Variants in APLP2 observed in about 807,000 individuals in gnomAD.
The protein encoded by APLP2 is CDEI box-binding protein.
Under a neutral mutation model 89.9 loss-of-function variants are expected in APLP2, and 53 were observed. The ratio of observed to expected loss-of-function variants is 0.59; its 90% CI spans 0.47 to 0.74. APLP2 has a LOEUF of 0.74. Ranked by LOEUF, APLP2 falls within the 30% of genes least tolerant of loss-of-function variation. The probability of loss-of-function intolerance (pLI) is 0.00; values close to 1 mark genes in which losing one functional copy is unlikely to be tolerated. For synonymous variants in APLP2, 372 were observed against 348.6 expected, an observed-to-expected ratio of 1.07 and a Z score of -0.75; for missense variants, 973 against 975.9, an observed-to-expected ratio of 1.00 and a Z score of 0.04.
intron 1 of APLP2, among the ~76,000 whole-genome samples, chr11:130,095,017 CCAAG>C (rs148008316): frequency 0.019 from 2,848 of 152,212 alleles, 40 homozygotes; most frequent in Non-Finnish European, 0.029. Context: ...GCGTGTGAAA[CCAAG>C]CAAGTAAAAG....
In APLP2 at chr11:130,123,672, TC is replaced by T. The variant is rs753416938; in HGVS notation, c.984del (p.Phe328LeufsTer36). Reference sequence around the variant, plus strand: ...CGGGCCGTGATGCCTCGTTGGTACTTCGACCTCTCCAAGGGAAAGTGCGTGC... The same window carrying T: ...CGGGCCGTGATGCCTCGTTGGTACTTGACCTCTCCAAGGGAAAGTGCGTGC... ...PCRAVMPRWY[F>X]DLSKGKCVRF... On this transcript the variant is annotated frameshift_variant, in exon 7 of 17. Transcript: ENST00000338167. LOFTEE classifies it high-confidence loss of function. The surrounding 1 kb of genome is among the most constrained non-coding windows in gnomAD (Gnocchi z 4.0). 2.5e-6 allele frequency: 4 copies of T among 1,614,172 alleles called. No individual in the cohort carries two copies. The East Asian group carries it at 8.9e-5, about 36-fold the overall frequency.
At chr11:130,087,995 A>G (rs1337756154) in intron 1 of APLP2, among the ~76,000 whole-genome samples, 2 of 152,248 alleles carry the variant, frequency 1.3e-5, no homozygotes, top group Non-Finnish European at 2.9e-5. Flanking sequence ...CTTTTAAAAG[A>G]TTAAATACAG....
intron 1 of APLP2, among the ~76,000 whole-genome samples, chr11:130,107,215 GA>G (rs1419247245): frequency 1.3e-5 from 2 of 152,130 alleles, no homozygotes; most frequent in Non-Finnish European, 2.9e-5. Flanking sequence ...AAAATTATTG[GA>G]ATTTTAGTAA....
At chr11:130,085,145 C>T (rs1412218327) in intron 1 of APLP2, among the ~76,000 whole-genome samples, 1 of 150,176 alleles carries the variant, frequency 6.7e-6, no homozygotes, top group East Asian at 2.0e-4. Context: ...AAGATTGAGT[C>T]AGTAATCAAA....
At chr11:130,117,797 G>A (rs1370813065) in intron 3 of APLP2, among the ~76,000 whole-genome samples, 1 of 152,134 alleles carries the variant, frequency 6.6e-6, no homozygotes, top group African/African-American at 2.4e-5. Context: ...TTCTGACCAG[G>A]CGCAGTGGCT....
intron 1 of APLP2, among the ~76,000 whole-genome samples, chr11:130,075,747 C>G (rs996733441): frequency 2.0e-5 from 3 of 152,196 alleles, no homozygotes; most frequent in African/African-American, 7.2e-5. Flanking sequence ...CCAGCTCGAC[C>G]AGGGGAAGGA....
chr11:130,105,686 C>G (rs1487950871), intron 1 of APLP2, among the ~76,000 whole-genome samples: 1 of 146,966 alleles, frequency 6.8e-6, no homozygotes, highest in Non-Finnish European at 1.5e-5. Context: ...CTCTCTCTCC[C>G]TGTCTTTCTG....
At position 130,130,245 on chromosome 11, in the gene APLP2, A is replaced by G. The variant is rs941157961; in HGVS notation, c.1584+79A>G. 10 of 1,583,624 alleles carry G rather than the reference A, an allele frequency of 6.3e-6. No homozygotes were observed. In the African/African-American group the frequency reaches 1.2e-4, roughly 19 times the overall value. ...ATAATGCCTTGACTAATGGTTGACC[A>G]GCACTGCTAGTTGCATTTGCTACTA... On this transcript the variant is annotated intron_variant, in intron 11 of 16. Coordinates refer to ENST00000338167, the MANE Select transcript of APLP2 (RefSeq NM_001142276.2).
chr11:130,119,585 C>T (rs1390548936), intron 3 of APLP2, among the ~76,000 whole-genome samples: 1 of 152,208 alleles, frequency 6.6e-6, no homozygotes, highest in Non-Finnish European at 1.5e-5. Context: ...ACCATCTTTT[C>T]CCTGTAAATA....
intron 1 of APLP2, among the ~76,000 whole-genome samples, chr11:130,092,572 G>C (rs796710832): frequency 7.0e-6 from 1 of 141,848 alleles, no homozygotes; most frequent in Non-Finnish European, 1.5e-5. Context: ...CCAGTCAGGC[G>C]TGGCGGCGCG....
intron 1 of APLP2, among the ~76,000 whole-genome samples, chr11:130,087,626 TAAATATTTAACACCATGGCAGGTTTCA>T (rs1944321932): frequency 6.6e-6 from 1 of 152,202 alleles, no homozygotes; most frequent in Non-Finnish European, 1.5e-5. Flanking sequence ...TCTTTTGTAG[TAAATATTTAACACCATGGCAGGTTTCA>T]AGTGAACCAA....
chr11:130,083,021 CTTTTCTTTTTT>C (rs1249434734), intron 1 of APLP2, among the ~76,000 whole-genome samples: 2,002 of 79,890 alleles, frequency 0.025, 81 homozygotes, highest in African/African-American at 0.099. Flanking sequence ...TGAAACTTTT[CTTTTCTTTTTT>C]TTTTTTTTTT....
intron 1 of APLP2, among the ~76,000 whole-genome samples, chr11:130,085,770 T>A (rs1944017189): frequency 6.6e-6 from 1 of 152,228 alleles, no homozygotes; most frequent in African/African-American, 2.4e-5. Context: ...CAGCCCCTGG[T>A]GATCTATGAA....
Position 130,129,208 on chromosome 11 carries a change from T to G in APLP2, c.1455+2T>G, listed in dbSNP as rs1591836251. On this transcript the variant is annotated splice_donor_variant, in intron 10 of 16. Transcript: ENST00000338167. LOFTEE classifies it high-confidence loss of function. ...GCCTTGCAGTCTGACCCGCCACGGGTGAGTCCTGCCCCTAGCACTGCCTGC... is the reference window on the plus strand; with the variant it reads ...GCCTTGCAGTCTGACCCGCCACGGGGGAGTCCTGCCCCTAGCACTGCCTGC... 6.2e-7 allele frequency: 1 copy of G among 1,612,822 alleles called. No homozygotes were observed. The highest frequency in any genetic ancestry group is 8.5e-7 in the Non-Finnish European group (1 of 1,179,316).
chr11:130,131,208 C>T (rs1041398486), intron 11 of APLP2, among the ~76,000 whole-genome samples: 2 of 152,186 alleles, frequency 1.3e-5, no homozygotes, highest in African/African-American at 2.4e-5. Flanking sequence ...AAATGATTCT[C>T]TTGCTTCAGC....
In APLP2 at chr11:130,135,619, G is replaced by A. The variant is rs1181511314; in HGVS notation, c.1741G>A (p.Glu581Lys). 1.2e-6 allele frequency: 2 copies of A among 1,614,080 alleles called. No homozygotes were observed. The highest frequency in any genetic ancestry group is 2.7e-5 in the African/African-American group (2 of 74,920). Reference protein sequence around the residue: ...DMDQFTASISETPVDVRVSSE... With the variant: ...DMDQFTASISKTPVDVRVSSE... ...GGACCAGTTCACTGCCTCAATCTCA[G>A]AGACCCCTGTGGACGTCCGGGTGAG... The change falls in exon 13 of 17, where the codon GAG becomes AAG. Residue 581 changes from glutamate (E) to lysine (K), a missense_variant. By Grantham distance (56) the Glu-to-Lys change is moderately conservative. Transcript: ENST00000338167.
chr11:130,080,420 G>A (rs112079910), intron 1 of APLP2, among the ~76,000 whole-genome samples: 4 of 152,140 alleles, frequency 2.6e-5, no homozygotes, highest in South Asian at 4.1e-4. Flanking sequence ...GGCCAGGCTG[G>A]TCTCAAACTC....
intron 1 of APLP2, among the ~76,000 whole-genome samples, chr11:130,098,680 A>G (rs1466868667): frequency 6.6e-6 from 1 of 152,212 alleles, no homozygotes; most frequent in African/African-American, 2.4e-5. Flanking sequence ...AAAGAAGTGT[A>G]ATTTTTTACA....
chr11:130,107,247 G>A (rs965737829), intron 1 of APLP2, among the ~76,000 whole-genome samples: 2 of 152,136 alleles, frequency 1.3e-5, no homozygotes, highest in Admixed American at 6.5e-5. Flanking sequence ...TCATGATTTG[G>A]TGTGTGCAAA....
Sources: gnomAD v4.1 joint callset for allele counts (sites outside exome capture counted in the v4.1 genomes callset) on GRCh38, gnomAD v4.1.1 for gene constraint, Gnocchi (gnomAD v3.1) non-coding constraint, MANE v1.5 for transcripts, NCBI Gene and HGNC (gene_info 2026-07-23, HGNC 2026-07-21) for gene names.